CSGALNACT1: variants seen among roughly 807,000 people sequenced by gnomAD.
The protein encoded by CSGALNACT1 is beta4GalNAcT-1.
CSGALNACT1 carries 52 observed loss-of-function variants against 51.0 expected under a neutral mutation model. The ratio of observed to expected loss-of-function variants is 1.02; its 90% CI spans 0.82 to 1.29. CSGALNACT1 has a LOEUF of 1.29. Ranked by LOEUF, CSGALNACT1 falls within the 50% of genes most tolerant of loss-of-function variation. The probability of loss-of-function intolerance (pLI) is 0.00; values close to 1 mark genes in which losing one functional copy is unlikely to be tolerated. For synonymous variants in CSGALNACT1, 341 were observed against 254.4 expected (o/e 1.34, Z -3.24); for missense variants, 935 against 679.2 (o/e 1.38, Z -4.19).
At chr8:19,495,598 C>A (rs2075311792) in intron 4 of CSGALNACT1, among the ~76,000 whole-genome samples, 1 of 152,184 alleles carries the variant, frequency 6.6e-6, no homozygotes, top group Admixed American at 6.5e-5. Flanking sequence ...TAAGTCACTA[C>A]TGATGGGTCC....
At chr8:19,487,390 G>T (rs916865049) in intron 4 of CSGALNACT1, among the ~76,000 whole-genome samples, 2 of 152,174 alleles carry the variant, frequency 1.3e-5, no homozygotes, top group African/African-American at 4.8e-5. Context: ...AAAGAGCACA[G>T]GATGCCCAGT....
upstream of CSGALNACT1, among the ~76,000 whole-genome samples, chr8:19,683,781 A>G (rs1419243095): frequency 6.6e-6 from 1 of 152,118 alleles, no homozygotes; most frequent in Non-Finnish European, 1.5e-5. Flanking sequence ...TCATAGTGTA[A>G]TAAATGTAAG....
chr8:19,729,094 C>G (rs1222986777), intron 1 of CSGALNACT1, among the ~76,000 whole-genome samples: 1 of 151,460 alleles, frequency 6.6e-6, no homozygotes, highest in Admixed American at 6.6e-5. Flanking sequence ...ACAATATAAA[C>G]CAGTTAAATG....
chr8:19,603,554 A>T (rs1588962984), upstream of CSGALNACT1, among the ~76,000 whole-genome samples: 1 of 152,184 alleles, frequency 6.6e-6, no homozygotes, highest in Non-Finnish European at 1.5e-5. Flanking sequence ...AATCACTTGG[A>T]CCCGAATCTG....
intron 1 of CSGALNACT1, among the ~76,000 whole-genome samples, chr8:19,655,625 C>G (rs2058205354): frequency 6.6e-6 from 1 of 151,738 alleles, no homozygotes; most frequent in Non-Finnish European, 1.5e-5. Context: ...TGCCATGTTG[C>G]CTATGCTATA....
At chr8:19,548,338 C>G (rs1588155766) in intron 3 of CSGALNACT1, among the ~76,000 whole-genome samples, 1 of 152,262 alleles carries the variant, frequency 6.6e-6, no homozygotes, top group Admixed American at 6.5e-5. Context: ...AAAGCTCTGA[C>G]AAATTCCAAT....
At chr8:19,748,253 C>T (rs1174054231) in intron 1 of CSGALNACT1, among the ~76,000 whole-genome samples, 1 of 152,144 alleles carries the variant, frequency 6.6e-6, no homozygotes, top group African/African-American at 2.4e-5. Context: ...GGAATTCATC[C>T]TTTAACAGCA....
At chr8:19,709,013 T>G (rs1391139626) in intron 1 of CSGALNACT1, among the ~76,000 whole-genome samples, 1 of 152,242 alleles carries the variant, frequency 6.6e-6, no homozygotes. Context: ...ATAAAGTACA[T>G]GAATGTACCT....
chr8:19,633,112 G>T (rs1465238265), intron 1 of CSGALNACT1, among the ~76,000 whole-genome samples: 2 of 151,896 alleles, frequency 1.3e-5, no homozygotes, highest in Non-Finnish European at 2.9e-5. Flanking sequence ...GGGCTGGTAA[G>T]AATAAATGAT....
chr8:19,744,418 G>A (rs1263242506), intron 1 of CSGALNACT1, among the ~76,000 whole-genome samples: 4 of 152,162 alleles, frequency 2.6e-5, no homozygotes, highest in Non-Finnish European at 5.9e-5. Flanking sequence ...TTTTGCTGAT[G>A]TCAGAATCCC....
At chr8:19,463,278 A>G (rs917592456) in intron 4 of CSGALNACT1, among the ~76,000 whole-genome samples, 6 of 152,092 alleles carry the variant, frequency 3.9e-5, no homozygotes, top group African/African-American at 1.2e-4. Context: ...GCACAATTTC[A>G]TCTCTTTTAA....
chr8:19,508,787 A>G (rs1250169609), intron 3 of CSGALNACT1, among the ~76,000 whole-genome samples: 3 of 152,244 alleles, frequency 2.0e-5, no homozygotes, highest in Admixed American at 6.5e-5. Flanking sequence ...TTCTAATAAA[A>G]TGGTTGTATT....
At chr8:19,406,623 TAAAAAAAAAAAA>T (rs33985548) in intron 9 of CSGALNACT1, among the ~76,000 whole-genome samples, 1 of 72,148 alleles carries the variant, frequency 1.4e-5, no homozygotes, top group Admixed American at 1.5e-4. Flanking sequence ...AGAGGTTTCG[TAAAAAAAAAAAA>T]AAAAAAAAAA....
chr8:19,703,693 A>C (rs1168922087), intron 1 of CSGALNACT1, among the ~76,000 whole-genome samples: 1 of 152,246 alleles, frequency 6.6e-6, no homozygotes, highest in African/African-American at 2.4e-5. Context: ...ACAGTAAAAC[A>C]AAGTTTAATC....
intron 3 of CSGALNACT1, among the ~76,000 whole-genome samples, chr8:19,568,733 G>A (rs184665146): frequency 6.6e-6 from 1 of 152,216 alleles, no homozygotes; most frequent in Admixed American, 6.5e-5. Flanking sequence ...ACAGATATAT[G>A]GTGCCAATAC....
intron 4 of CSGALNACT1, among the ~76,000 whole-genome samples, chr8:19,459,796 C>T (rs1395027103): frequency 6.6e-6 from 1 of 152,122 alleles, no homozygotes; most frequent in African/African-American, 2.4e-5. Flanking sequence ...AATAAACCCT[C>T]GATAAATGTT....
chr8:19,641,614 T>C (rs1281381676), intron 1 of CSGALNACT1, among the ~76,000 whole-genome samples: 1 of 152,138 alleles, frequency 6.6e-6, no homozygotes, highest in Non-Finnish European at 1.5e-5. Flanking sequence ...TTTAAATGTA[T>C]GAAACATATT....
At chr8:19,524,584 T>A (rs1448526114) in intron 3 of CSGALNACT1, among the ~76,000 whole-genome samples, 1 of 152,106 alleles carries the variant, frequency 6.6e-6, no homozygotes, top group African/African-American at 2.4e-5. Flanking sequence ...GAGTTGGGAT[T>A]TTTTTTTCTT....
At position 19,743,530 on chromosome 8, in the gene CSGALNACT1, C is replaced by T. The variant is rs139233344; in HGVS notation, c.-297+14320G>A. Among the ~76,000 whole-genome samples the T allele has an allele frequency of 3.5e-4, 54 of 152,180 alleles. No individual in the cohort carries two copies. In the East Asian group the frequency reaches 9.7e-3, roughly 27 times the overall value. On this transcript the variant is annotated intron_variant, in intron 1 of 1. Coordinates refer to the CSGALNACT1 transcript ENST00000517494. ...AATACTTGCAGCTAAATCAGCGATG[C>T]GAATATACTTTTGAATTAGACTGCA... is the stretch of plus-strand genomic sequence containing the variant.
Sources: allele counts gnomAD v4.1 joint callset (sites outside exome capture counted in the v4.1 genomes callset), GRCh38; gene constraint gnomAD v4.1.1; transcripts MANE v1.5; gene names NCBI Gene and HGNC (gene_info 2026-07-23, HGNC 2026-07-21).